The following WNT2 variants were observed in gnomAD, a reference collection of about 807,000 sequenced individuals.
WNT2 encodes protein Wnt-2.
In WNT2, 12 loss-of-function variants were observed where a neutral mutation model predicts 36.9. That is an observed-to-expected ratio of 0.33 (90% CI 0.21 to 0.53). The LOEUF (loss-of-function observed/expected upper bound fraction) is 0.53. WNT2 is among the 20% of genes least tolerant of loss of function. WNT2 has a pLI of 0.95. For missense variants in WNT2, 379 were observed against 473.1 expected (o/e 0.80, Z 1.84); for synonymous variants, 163 against 174.6 (o/e 0.93, Z 0.52).
chr7:117,281,293 A>G (rs932813890), intron 4 of WNT2, among the ~76,000 whole-genome samples: 1 of 152,174 alleles, frequency 6.6e-6, no homozygotes, highest in African/African-American at 2.4e-5. Context: ...GCTTGAGGGC[A>G]GTGGCACGAA....
Position 117,278,203 on chromosome 7 carries a change from C to T in WNT2, c.1035G>A (p.Val345=). ...RCQDCLEALD[V]HTCKAPKNAD... is the part of the protein sequence containing the mutation. ...CGTTCTTGGGGGCCTTGCATGTGTG[C>T]ACATCCAGAGCTTCCAGGCAGTCCT... is the stretch of plus-strand genomic sequence containing the variant. The change falls in exon 5 of 5, where the codon GTG becomes GTA. Residue 345 remains valine, a synonymous_variant. Transcript: ENST00000265441. The T allele has an allele frequency of 6.2e-7, 1 of 1,614,230 alleles. No individual in the cohort carries two copies. The highest frequency in any genetic ancestry group is 1.1e-5 in the South Asian group (1 of 91,088).
chr7:117,309,184 CA>C (rs35726865), intron 3 of WNT2, among the ~76,000 whole-genome samples: 15 of 144,890 alleles, frequency 1.0e-4, no homozygotes, highest in East Asian at 4.1e-4. Context: ...ACCCTGTCTC[CA>C]AAAAAAAAAA....
intron 3 of WNT2, among the ~76,000 whole-genome samples, chr7:117,309,855 A>C (rs1357659935): frequency 6.6e-6 from 1 of 152,184 alleles, no homozygotes; most frequent in East Asian, 1.9e-4. Context: ...ATATTAATAA[A>C]CACCCAGAAG....
At chr7:117,283,051 TGGTTAGG>T (rs1209166909) in intron 4 of WNT2, among the ~76,000 whole-genome samples, 1 of 152,080 alleles carries the variant, frequency 6.6e-6, no homozygotes, top group Non-Finnish European at 1.5e-5. Flanking sequence ...GGGGGACACT[TGGTTAGG>T]GGTCAGCTTA....
intron 4 of WNT2, among the ~76,000 whole-genome samples, chr7:117,295,252 A>G (rs1746551509): frequency 6.6e-6 from 1 of 152,206 alleles, no homozygotes; most frequent in Non-Finnish European, 1.5e-5. Flanking sequence ...TTAGAGCTTC[A>G]GTGTCCTCCC....
In WNT2 at chr7:117,278,100, G is replaced by T; in HGVS notation, c.*55C>A. 6.3e-7 allele frequency: 1 copy of T among 1,577,710 alleles called. No individual in the cohort carries two copies. Among genetic ancestry groups the T allele is most frequent in the South Asian group, 1.1e-5 (1 of 89,288 alleles). ...AAGAACCCAAAGGTCCAGTGTTCTT[G>T]CAGATCCAATGGAGTCCTTGTAGAA... On this transcript the variant is annotated 3_prime_UTR_variant, in exon 5 of 5. Coordinates refer to ENST00000265441, the MANE Select transcript of WNT2 (RefSeq NM_003391.3).
intron 1 of WNT2, among the ~76,000 whole-genome samples, chr7:117,321,262 A>G (rs577357446): frequency 6.6e-6 from 1 of 152,270 alleles, no homozygotes; most frequent in Admixed American, 6.5e-5. Flanking sequence ...TGTCTTAAAA[A>G]CTGTCTGTAT....
chr7:117,283,985 G>A (rs986097380), intron 4 of WNT2, among the ~76,000 whole-genome samples: 2 of 152,114 alleles, frequency 1.3e-5, no homozygotes, highest in South Asian at 2.1e-4. Flanking sequence ...CCAAGGAATG[G>A]GCCAACTGGG....
At chr7:117,295,953 TC>T (rs2076783700) in intron 4 of WNT2, among the ~76,000 whole-genome samples, 3 of 152,226 alleles carry the variant, frequency 2.0e-5, no homozygotes, top group South Asian at 2.1e-4. Context: ...TGTATTGCTG[TC>T]ATAGGGCTGC....
In WNT2 at chr7:117,277,964, AG is replaced by A. The variant is rs1475275666; in HGVS notation, c.*190del. 1.6e-6 allele frequency: 1 copy of A among 611,376 alleles called. No homozygotes were observed. The allele number at this position is 611,376 out of a possible 1,614,324, so 37.9% of individuals were successfully genotyped here. On this transcript the variant is annotated 3_prime_UTR_variant, in exon 5 of 5. Transcript: ENST00000265441. ...CAGAACACCAGGAGATGGATAGAAT[AG>A]GGTAGGCTTTAGGTGCAGCGTGTGG...
At chr7:117,297,421 C>T (rs947639252) in intron 4 of WNT2, among the ~76,000 whole-genome samples, 191 bp downstream of exon 4, 6 of 152,034 alleles carry the variant, frequency 3.9e-5, no homozygotes, top group Non-Finnish European at 7.4e-5. Context: ...CTGCCCATTT[C>T]GGCCTCCCAA....
At chr7:117,309,898 G>A (rs1346850671) in intron 3 of WNT2, among the ~76,000 whole-genome samples, 2 of 151,956 alleles carry the variant, frequency 1.3e-5, no homozygotes, top group African/African-American at 4.8e-5. Context: ...GTATATTTAA[G>A]GCAAAAAATA....
At position 117,284,798 on chromosome 7, in the gene WNT2, A is replaced by G. The variant is rs192108528; in HGVS notation, c.854-6414T>C. ...TGTCTAATTTAATTCTCATAAGCTT[A>G]TAAGGAAGGTACTATTATTATCACC... On this transcript the variant is annotated intron_variant, in intron 4 of 4. Coordinates refer to ENST00000265441, the MANE Select transcript of WNT2 (RefSeq NM_003391.3). The surrounding 1 kb of genome is among the most constrained non-coding windows in gnomAD (Gnocchi z 5.2). 6.3e-3 allele frequency among the ~76,000 whole-genome samples: 958 copies of G among 152,356 alleles called. 13 individuals carry two copies. The highest frequency in any genetic ancestry group is 0.022 in the African/African-American group (902 of 41,584).
In WNT2 at chr7:117,278,279, C is replaced by T. The variant is rs747265580; in HGVS notation, c.959G>A (p.Arg320Gln). 52 of 1,614,090 alleles carry T rather than the reference C, an allele frequency of 3.2e-5. No homozygotes were observed. Among genetic ancestry groups the T allele is most frequent in the Admixed American group, 1.0e-4 (6 of 60,002 alleles). ...GAACTTACACCCACACTTGGTCATC[C>T]GGGTGACATGGGAGGTGTCGTAGCC... Reference protein sequence around the residue: ...GRGYDTSHVTRMTKCGCKFHW... With the variant: ...GRGYDTSHVTQMTKCGCKFHW... The change falls in exon 5 of 5, where the codon CGG becomes CAG. Residue 320 changes from arginine (R) to glutamine (Q), a missense_variant. By Grantham distance (43) the Arg-to-Gln change is conservative. Coordinates refer to ENST00000265441, the MANE Select transcript of WNT2 (RefSeq NM_003391.3).
At chr7:117,279,341 C>T (rs2116320518) in intron 4 of WNT2, among the ~76,000 whole-genome samples, 1 of 152,274 alleles carries the variant, frequency 6.6e-6, no homozygotes. Flanking sequence ...TACTTCCTCC[C>T]CCACAGAGAT....
chr7:117,278,193 T>C lies in WNT2; in HGVS notation c.1045A>G (p.Lys349Glu), dbSNP rs199964716. Residue 349 changes from lysine to glutamate, a missense_variant, in exon 5 of 5, where the codon AAG (lysine) becomes GAG (glutamate). Transcript: ENST00000265441. ...CLEALDVHTC[K>E]APKNADWTTA... ...GTCCAGTCAGCGTTCTTGGGGGCCT[T>C]GCATGTGTGCACATCCAGAGCTTCC... 6 of 1,614,206 alleles carry C rather than the reference T, an allele frequency of 3.7e-6. No individual in the cohort carries two copies. The highest frequency in any genetic ancestry group is 5.1e-6 in the Non-Finnish European group (6 of 1,180,026).
At position 117,297,795 on chromosome 7, in the gene WNT2, T is replaced by C; in HGVS notation, c.670A>G (p.Met224Val). 1 of 1,614,178 alleles carries C rather than the reference T, an allele frequency of 6.2e-7. No individual in the cohort carries two copies. Among genetic ancestry groups the C allele is most frequent in the Non-Finnish European group, 8.5e-7 (1 of 1,180,030 alleles). The change falls in exon 4 of 5, where the codon ATG becomes GTG. Residue 224 changes from methionine (M) to valine (V), a missense_variant. Coordinates refer to ENST00000265441, the MANE Select transcript of WNT2 (RefSeq NM_003391.3). Reference protein sequence around the residue: ...SCTLRTCWLAMADFRKTGDYL... With the variant: ...SCTLRTCWLAVADFRKTGDYL... Reference sequence around the variant, plus strand: ...TCGCCCGTTTTCCTGAAGTCGGCCATGGCCAGCCAGCATGTCCTGAGAGTA... The same window carrying C: ...TCGCCCGTTTTCCTGAAGTCGGCCACGGCCAGCCAGCATGTCCTGAGAGTA...
intron 4 of WNT2, among the ~76,000 whole-genome samples, chr7:117,289,051 CTTT>C (rs1187027317): frequency 2.5e-4 from 22 of 89,430 alleles, no homozygotes; most frequent in Non-Finnish European, 1.4e-4. Flanking sequence ...TCACGTTAGA[CTTT>C]TTTTTTTTTT....
In WNT2 at chr7:117,300,215, T is replaced by C. The variant is rs540070005; in HGVS notation, c.589-2339A>G. Among the ~76,000 whole-genome samples, 38 of 152,312 alleles carry C rather than the reference T, an allele frequency of 2.5e-4. No individual in the cohort carries two copies. In the East Asian group the frequency reaches 6.8e-3, roughly 27 times the overall value. The stretch of plus-strand genomic sequence containing the variant: ...TATTTATTGTGTTTTTGAGACTGTG[T>C]CTTGCTCTGTTGCCAGGGTGGAGTG... On this transcript the variant is annotated intron_variant, in intron 3 of 4. Transcript: ENST00000265441.
Sources: gnomAD v4.1 joint callset for allele counts (sites outside exome capture counted in the v4.1 genomes callset) on GRCh38, gnomAD v4.1.1 for gene constraint, Gnocchi (gnomAD v3.1) non-coding constraint, MANE v1.5 for transcripts, NCBI Gene and HGNC (gene_info 2026-07-23, HGNC 2026-07-21) for gene names.